Variants in CRHR1 observed in about 807,000 individuals in gnomAD.
CRHR1 encodes corticotropin-releasing hormone receptor 1.
A neutral mutation model predicts 56.0 loss-of-function variants in CRHR1; 28 were observed. The observed-to-expected ratio is 0.50, with a 90% CI of 0.37 to 0.69. CRHR1 has a LOEUF of 0.69. Among genes scored for constraint, CRHR1 ranks in the 30% least tolerant of loss-of-function variants. CRHR1 has a pLI of 0.00. For missense variants in CRHR1, 376 were observed against 548.0 expected (o/e 0.69, Z 3.13); for synonymous variants, 195 against 216.5 (o/e 0.90, Z 0.87).
Position 45,784,728 on chromosome 17 carries a change from T to C in CRHR1, c.33+151T>C. Reference sequence around the variant, plus strand: ...GCTGGGCTCCGGGGCAGCCTAACTCTCTGGACCTTTGGAGCCAGGGTTGGG... The same window carrying C: ...GCTGGGCTCCGGGGCAGCCTAACTCCCTGGACCTTTGGAGCCAGGGTTGGG... On this transcript the variant is annotated intron_variant, in intron 1 of 12. Coordinates refer to ENST00000314537, the MANE Select transcript of CRHR1 (RefSeq NM_004382.5). This position sits in a 1 kb window ranked among gnomAD's most constrained non-coding sequence, Gnocchi z 4.2. 1.3e-6 allele frequency: 1 copy of C among 799,356 alleles called. No homozygotes were observed. The highest frequency in any genetic ancestry group is 1.8e-6 in the Non-Finnish European group (1 of 561,232). 49.5% of individuals were successfully genotyped at this position (799,356 alleles called of 1,614,324 possible).
chr17:45,784,688 C>G lies in CRHR1; in HGVS notation c.33+111C>G. The G allele has an allele frequency of 8.4e-7, 1 of 1,187,606 alleles. No homozygotes were observed. Among genetic ancestry groups the G allele is most frequent in the South Asian group, 1.8e-5 (1 of 54,468 alleles). 73.6% of individuals were successfully genotyped at this position (1,187,606 alleles called of 1,614,324 possible). The stretch of plus-strand genomic sequence containing the variant: ...GGGCGGGGGCGCTGGGAGAGCCGTG[C>G]TTAGGTCGGGGAAGGCTGGGCTCCG... On this transcript the variant is annotated intron_variant, in intron 1 of 12. Transcript: ENST00000314537. This position sits in a 1 kb window ranked among gnomAD's most constrained non-coding sequence, Gnocchi z 4.2.
At chr17:45,802,742 C>T (rs1263271250) in intron 1 of CRHR1, among the ~76,000 whole-genome samples, 1 of 152,202 alleles carries the variant, frequency 6.6e-6, no homozygotes, top group Non-Finnish European at 1.5e-5. Context: ...AAGAGAGGGA[C>T]ACAAGTGTCA....
chr17:45,816,412 G>C, intron 2 of CRHR1, 51 bp from the exon 3 acceptor site: 1 of 1,589,570 alleles, frequency 6.3e-7, no homozygotes, highest in South Asian at 1.1e-5. Flanking sequence ...TGCCTGCCTG[G>C]GGCCTTGGCC....
At position 45,834,674 on chromosome 17, in the gene CRHR1, G is replaced by A. The variant is rs769768261; in HGVS notation, c.1158G>A (p.Ser386=). ...KRWHRWQDKH[S]IRARVARAMS... ...GGCACCGGTGGCAGGACAAGCACTCGATCCGTGCCCGAGTGGCCCGTGCCA... is the reference window on the plus strand; with the variant it reads ...GGCACCGGTGGCAGGACAAGCACTCAATCCGTGCCCGAGTGGCCCGTGCCA... Residue 386 remains serine (S), a synonymous_variant, in exon 13 of 13, where the codon TCG becomes TCA. Transcript: ENST00000314537. 1.2e-6 allele frequency: 2 copies of A among 1,613,484 alleles called. No homozygotes were observed. The highest frequency in any genetic ancestry group is 8.5e-7 in the Non-Finnish European group (1 of 1,179,912).
At chr17:45,805,396 T>C (rs1184991029) in intron 1 of CRHR1, among the ~76,000 whole-genome samples, 2 of 152,188 alleles carry the variant, frequency 1.3e-5, no homozygotes, top group African/African-American at 4.8e-5. Context: ...GACCTGCTTC[T>C]AGCCTACACC....
intron 1 of CRHR1, among the ~76,000 whole-genome samples, chr17:45,789,560 C>T (rs556510131): frequency 1.3e-5 from 2 of 151,860 alleles, no homozygotes; most frequent in African/African-American, 2.4e-5. Flanking sequence ...TTTGTAGAAA[C>T]GGTCTTGCCG....
chr17:45,792,780 T>C (rs1014119576), intron 1 of CRHR1, among the ~76,000 whole-genome samples: 10 of 152,222 alleles, frequency 6.6e-5, no homozygotes, highest in Admixed American at 2.0e-4. Flanking sequence ...TTACAGCTCT[T>C]TGATGTATCC....
chr17:45,833,039 C>G, intron 8 of CRHR1, 99 bp from the exon 9 acceptor site: 1 of 1,083,784 alleles, frequency 9.2e-7, no homozygotes, highest in Non-Finnish European at 1.4e-6. Flanking sequence ...ACCTCTTGGC[C>G]TCCAGCCCCA....
chr17:45,803,834 G>T (rs1241288678), intron 1 of CRHR1, among the ~76,000 whole-genome samples: 2 of 152,190 alleles, frequency 1.3e-5, no homozygotes, highest in Non-Finnish European at 2.9e-5. Context: ...GGCAGATGTG[G>T]GGTGGGAAAC....
chr17:45,821,084 T>C (rs1278823415), intron 3 of CRHR1, among the ~76,000 whole-genome samples: 3 of 152,230 alleles, frequency 2.0e-5, no homozygotes, highest in African/African-American at 7.2e-5. Context: ...GTCAAGCCTG[T>C]CCACGGGCCA....
intron 12 of CRHR1, 96 bp downstream of exon 12, chr17:45,834,144 C>T: frequency 1.4e-6 from 2 of 1,468,068 alleles, no homozygotes; most frequent in East Asian, 2.3e-5. Context: ...CCAGGGCTGC[C>T]TCTCTCCCTC....
chr17:45,825,433 A>G (rs3885075), intron 4 of CRHR1: 22,221 of 128,782 alleles, frequency 0.17, 2,185 homozygotes, highest in Non-Finnish European at 0.24. Context: ...TCCCCCACCC[A>G]CCCAACACTT....
chr17:45,824,461 T>C (rs1243771836), intron 4 of CRHR1, among the ~76,000 whole-genome samples: 1 of 152,150 alleles, frequency 6.6e-6, no homozygotes, highest in Non-Finnish European at 1.5e-5. Flanking sequence ...AGCCCCTTCT[T>C]TTCAGTTGGC....
chr17:45,808,177 C>G (rs1417624209), intron 2 of CRHR1, among the ~76,000 whole-genome samples: 1 of 152,220 alleles, frequency 6.6e-6, no homozygotes, highest in Non-Finnish European at 1.5e-5. Context: ...ATCGAATCCA[C>G]AAATGCATGT....
At chr17:45,823,741 A>T (rs933878208) in intron 4 of CRHR1, among the ~76,000 whole-genome samples, 3 of 151,902 alleles carry the variant, frequency 2.0e-5, no homozygotes, top group African/African-American at 7.3e-5. Flanking sequence ...TGTAGCTCCC[A>T]CCCCGGCCTG....
chr17:45,816,514 G>T lies in CRHR1; in HGVS notation c.173G>T (p.Ser58Ile). The change falls in exon 3 of 13, where the codon AGC becomes ATC. Residue 58 changes from serine (S) to isoleucine (I), a missense_variant. Coordinates refer to ENST00000314537, the MANE Select transcript of CRHR1 (RefSeq NM_004382.5). ...CTCATTGGCACCTGCTGGCCCCGCA[G>T]CCCTGCGGGGCAGCTAGTGGTTCGG... ...VDLIGTCWPRSPAGQLVVRPC... is the reference protein window; with the variant it reads ...VDLIGTCWPRIPAGQLVVRPC... The T allele has an allele frequency of 6.2e-7, 1 of 1,614,134 alleles. No homozygotes were observed. The highest frequency in any genetic ancestry group is 8.5e-7 in the Non-Finnish European group (1 of 1,180,026).
intron 1 of CRHR1, among the ~76,000 whole-genome samples, chr17:45,797,521 G>A (rs143745142): frequency 0.01 from 1,586 of 151,798 alleles, 36 homozygotes; most frequent in African/African-American, 0.036. Flanking sequence ...CTCATGATCC[G>A]CCCACCTCGG....
Position 45,830,521 on chromosome 17 carries a change from C to T in CRHR1, c.660C>T (p.Thr220=). The T allele has an allele frequency of 6.2e-7, 1 of 1,613,640 alleles. No homozygotes were observed. The highest frequency in any genetic ancestry group is 8.5e-7 in the Non-Finnish European group (1 of 1,179,916). ...ACCTGCACACAGCCATCGTGCTCAC[C>T]TACTCCACTGACCGGCTGCGCAAAT... The part of the protein sequence containing the change: ...GCYLHTAIVL[T]YSTDRLRKWM... Residue 220 remains threonine, a synonymous_variant, in exon 7 of 13, where the codon ACC becomes ACT. Coordinates refer to ENST00000314537, the MANE Select transcript of CRHR1 (RefSeq NM_004382.5).
Position 45,833,797 on chromosome 17 carries a change from A to C in CRHR1, c.1013A>C (p.Glu338Ala). 1.9e-6 allele frequency: 3 copies of C among 1,607,866 alleles called. No homozygotes were observed. Among genetic ancestry groups the C allele is most frequent in the Non-Finnish European group, 2.5e-6 (3 of 1,176,936 alleles). ...TTCTTCGTCAATCCCGGGGAGGATGAGGTCTCCCGGGTCGTCTTCATCTAC... is the reference window on the plus strand; with the variant it reads ...TTCTTCGTCAATCCCGGGGAGGATGCGGTCTCCCGGGTCGTCTTCATCTAC... ...MLFFVNPGEDEVSRVVFIYFN... is the reference protein window; with the variant it reads ...MLFFVNPGEDAVSRVVFIYFN... Residue 338 changes from glutamate to alanine, a missense_variant, in exon 11 of 13, where the codon GAG becomes GCG. Around this residue, in one of 2 missense-constraint regions of CRHR1, gnomAD observed 369 missense variants for 519.5 expected, o/e 0.71. Transcript: ENST00000314537.
Sources: gnomAD v4.1 joint callset for allele counts (sites outside exome capture counted in the v4.1 genomes callset) on GRCh38, gnomAD v4.1.1 for gene constraint, gnomAD v4.1.1 regional missense constraint, Gnocchi (gnomAD v3.1) non-coding constraint, MANE v1.5 for transcripts, NCBI Gene and HGNC (gene_info 2026-07-23, HGNC 2026-07-21) for gene names.